RBBP7: variants seen among roughly 807,000 people sequenced by gnomAD.
The protein encoded by RBBP7 is histone-binding protein RBBP7.
A neutral mutation model predicts 35.2 loss-of-function variants in RBBP7; 5 were observed. The observed-to-expected ratio is 0.14, with a 90% CI of 0.07 to 0.30. The LOEUF (loss-of-function observed/expected upper bound fraction) is 0.30. Ranked by LOEUF, RBBP7 falls within the 10% of genes least tolerant of loss-of-function variation. The pLI is 1.00. For synonymous variants in RBBP7, 140 were observed against 118.7 expected (o/e 1.18, Z -1.17); for missense variants, 155 against 327.5 (o/e 0.47, Z 4.07).
At chrX:16,869,053 T>C (rs769863601) in intron 2 of RBBP7, 23 bp downstream of exon 2, 2 of 1,186,796 alleles carry the variant, frequency 1.7e-6, no homozygotes, top group African/African-American at 1.8e-5. Flanking sequence ...TTAAACAAAA[T>C]AAAAGTTGCC....
intron 3 of RBBP7, among the ~76,000 whole-genome samples, chrX:16,860,685 G>GAAAAAAAAAAA (rs1316799740): frequency 3.2e-5 from 2 of 62,326 alleles, no homozygotes; most frequent in Admixed American, 1.8e-4. Context: ...AAAAAAAAAA[G>GAAAAAAAAAAA]AAAAAAAAAA....
intron 1 of RBBP7, chrX:16,869,818 G>A (rs1269546046): frequency 2.7e-5 from 24 of 904,543 alleles, no homozygotes; most frequent in Non-Finnish European, 3.1e-5. Context: ...GAAGAGGGGG[G>A]CCCAGCCCTC....
chrX:16,869,785 C>G, intron 1 of RBBP7: 3 of 937,766 alleles, frequency 3.2e-6, no homozygotes, highest in Middle Eastern at 4.6e-4. Flanking sequence ...CCGGAGGGAG[C>G]GCAGCCGCTG....
chrX:16,855,657 G>A (rs1312946037), intron 5 of RBBP7, among the ~76,000 whole-genome samples: 6 of 110,656 alleles, frequency 5.4e-5, no homozygotes, highest in Non-Finnish European at 3.8e-5. Context: ...TTGGGTTACT[G>A]AGTACAATCC....
intron 3 of RBBP7, 59 bp downstream of exon 3, chrX:16,862,896 A>C: frequency 1.8e-6 from 2 of 1,141,745 alleles, no homozygotes; most frequent in Non-Finnish European, 2.4e-6. Flanking sequence ...TTAATAGCAT[A>C]TGCTTTGAAA....
chrX:16,847,845 C>G (rs1180311154), intron 10 of RBBP7: 2 of 110,868 alleles, frequency 1.8e-5, no homozygotes, highest in East Asian at 5.8e-4. Flanking sequence ...GGATTCCAGG[C>G]AGGAGCCACC....
At chrX:16,846,608 CG>C (rs1930084016) in intron 10 of RBBP7, 1 of 111,970 alleles carries the variant, frequency 8.9e-6, no homozygotes, top group Non-Finnish European at 1.9e-5. Context: ...AGTTGTTCCC[CG>C]CAAGAGACAA....
At chrX:16,853,879 C>A (rs1207750053) in intron 5 of RBBP7, 37 bp from the exon 6 acceptor site, 3 of 987,232 alleles carry the variant, frequency 3.0e-6, no homozygotes, top group Non-Finnish European at 3.9e-6. Context: ...AGAACAAGGG[C>A]TATAAGAGAC....
intron 8 of RBBP7, 79 bp from the exon 9 acceptor site, chrX:16,852,201 T>C (rs1438457701): frequency 2.3e-6 from 2 of 878,356 alleles, no homozygotes; most frequent in Non-Finnish European, 3.3e-6. Flanking sequence ...AATCTGATAT[T>C]TTCCCATCTT....
At position 16,845,007 on chromosome X, in the gene RBBP7, CAACAGA is replaced by C. The variant is rs746250238; in HGVS notation, c.*22_*27del. 16 of 1,177,831 alleles carry C rather than the reference CAACAGA, an allele frequency of 1.4e-5. No individual in the cohort carries two copies. The African/African-American group carries it at 2.8e-4, about 21-fold the overall frequency. ...TCAAGCATTCATGTAGCATTACATT[CAACAGA>C]AACATTTCTCGTACTTTGGGTTTAA... On this transcript the variant is annotated 3_prime_UTR_variant, in exon 12 of 12. Transcript: ENST00000380087.
chrX:16,853,912 A>G (rs1456047154), intron 5 of RBBP7, 70 bp from the exon 6 acceptor site: 9 of 885,629 alleles, frequency 1.0e-5, no homozygotes, highest in African/African-American at 2.1e-5. Context: ...TTTTCCCTCG[A>G]GACAGTGTCT....
intron 6 of RBBP7, chrX:16,853,255 T>C (rs1930255170): frequency 1.1e-5 from 2 of 179,651 alleles, no homozygotes; most frequent in Non-Finnish European, 2.1e-5. Context: ...AATGAAGCCC[T>C]GTGGCCACAC....
intron 3 of RBBP7, 73 bp from the exon 4 acceptor site, chrX:16,858,922 C>G: frequency 1.7e-6 from 2 of 1,152,680 alleles, no homozygotes; most frequent in Non-Finnish European, 2.3e-6. Context: ...GTTCAATCAA[C>G]CTAACAGATT....
Position 16,844,772 on chromosome X carries a change from A to G in RBBP7, c.*263T>C. On this transcript the variant is annotated 3_prime_UTR_variant, in exon 12 of 12. Transcript: ENST00000380087. ...TAGTTTGAGAAAATGAGGACTTAAA[A>G]CAGTTGAATCAAAGGCAATACCCTG... The G allele has an allele frequency of 3.9e-6, 1 of 254,740 alleles. No homozygotes were observed. The highest frequency in any genetic ancestry group is 7.0e-6 in the Non-Finnish European group (1 of 143,387). The allele number at this position is 254,740 out of a possible 1,213,427, so 21.0% of individuals were successfully genotyped here. A position where few individuals can be genotyped will look rare whatever the true frequency, so the allele number is the denominator to read the frequency against.
chrX:16,863,134 T>C lies in RBBP7; in HGVS notation c.162-34A>G, dbSNP rs754492894. ...GAAAGAAAATAAGTCACACTAATCC[T>C]ACAAGAAATCTCCAATTGCTAACAA... On this transcript the variant is annotated intron_variant, in intron 2 of 11. Transcript: ENST00000380087. 4.3e-6 allele frequency: 5 copies of C among 1,169,899 alleles called. No homozygotes were observed. The East Asian group carries it at 1.2e-4, about 28-fold the overall frequency.
chrX:16,858,834 C>A lies in RBBP7; in HGVS notation c.323G>T (p.Gly108Val). 2 of 1,210,532 alleles carry A rather than the reference C, an allele frequency of 1.7e-6. No homozygotes were observed. The highest frequency in any genetic ancestry group is 2.2e-6 in the Non-Finnish European group (2 of 895,016). Residue 108 changes from glycine to valine, a missense_variant, in exon 4 of 12, where the codon GGT (glycine) becomes GTT (valine). Gly to Val is a moderately radical substitution (Grantham distance 109). Transcript: ENST00000380087. ...ACATTCAATTTTTCCTGTTACAGAA[C>A]CAAAGCCACCAAATTCTAATGTGAG... ...DSDKGEFGGF[G>V]SVTGKIECEI...
rs373821489 is a variant in RBBP7 at position 16,858,868 on chromosome X, A to AACAC, written c.308-23_308-20dup. On this transcript the variant is annotated intron_variant, in intron 3 of 11. Transcript: ENST00000380087. The stretch of plus-strand genomic sequence containing the variant: ...CCAAATTCTAATGTGAGGAGAAAGA[A>AACAC]ACACACACACACACACTCAGGATTA... The AACAC allele has an allele frequency of 7.1e-6, 8 of 1,125,402 alleles. No individual in the cohort carries two copies. Among genetic ancestry groups the AACAC allele is most frequent in the Non-Finnish European group, 9.6e-6 (8 of 830,830 alleles). The allele number at this position is 1,125,402 out of a possible 1,213,427, so 92.7% of individuals were successfully genotyped here.
intron 4 of RBBP7, among the ~76,000 whole-genome samples, chrX:16,857,956 T>C (rs1220635134): frequency 9.0e-6 from 1 of 111,426 alleles, no homozygotes; most frequent in African/African-American, 3.3e-5. Context: ...GTGGTGACCG[T>C]ATCCCCGCAA....
intron 9 of RBBP7, among the ~76,000 whole-genome samples, chrX:16,850,053 C>T (rs1930177066): frequency 8.9e-6 from 1 of 112,066 alleles, no homozygotes; most frequent in Non-Finnish European, 1.9e-5. Context: ...TACTAAAAAA[C>T]AAAACCCAGC....
Sources: allele counts gnomAD v4.1 joint callset (sites outside exome capture counted in the v4.1 genomes callset), GRCh38; gene constraint gnomAD v4.1.1; transcripts MANE v1.5; gene names NCBI Gene and HGNC (gene_info 2026-07-23, HGNC 2026-07-21).